Variants in KIAA1217 observed in about 807,000 individuals in gnomAD.
The protein encoded by KIAA1217 is sickle tail protein homolog.
In KIAA1217, 88 loss-of-function variants were observed where a neutral mutation model predicts 163.9. The observed-to-expected ratio is 0.54, with a 90% CI of 0.45 to 0.64. The LOEUF (loss-of-function observed/expected upper bound fraction) is 0.64. Ranked by LOEUF, KIAA1217 falls within the 30% of genes least tolerant of loss-of-function variation. The probability of loss-of-function intolerance (pLI) is 0.00; values close to 1 mark genes in which losing one functional copy is unlikely to be tolerated. For missense variants in KIAA1217, 2,372 were observed against 2,475.0 expected (o/e 0.96, Z 0.88); for synonymous variants, 903 against 923.1 (o/e 0.98, Z 0.39).
At chr10:23,864,743 T>G (rs965670977) in intron 1 of KIAA1217, among the ~76,000 whole-genome samples, 10 of 152,074 alleles carry the variant, frequency 6.6e-5, no homozygotes, top group Admixed American at 1.3e-4. Context: ...TAGTTATATA[T>G]AGAGAGAACA....
intron 2 of KIAA1217, among the ~76,000 whole-genome samples, chr10:24,142,366 T>C (rs2064123430): frequency 6.6e-6 from 1 of 152,196 alleles, no homozygotes; most frequent in Non-Finnish European, 1.5e-5. Flanking sequence ...CATGATTCAT[T>C]GTTCTTAAGC....
In KIAA1217 at chr10:24,053,957, AC is replaced by A. The variant is rs575104764; in HGVS notation, c.-171+46584del. ...TAGACCTGTGTGGCTGGTGAGGGAAACATGGAGAGAGGAAGAGACTGAAATA... is the reference window on the plus strand; with the variant it reads ...TAGACCTGTGTGGCTGGTGAGGGAAAATGGAGAGAGGAAGAGACTGAAATA... On this transcript the variant is annotated intron_variant, in intron 2 of 18. Transcript: ENST00000376462. Among the ~76,000 whole-genome samples, 400 of 152,282 alleles carry A rather than the reference AC, an allele frequency of 2.6e-3. 1 individual carries two copies. Among genetic ancestry groups the A allele is most frequent in the African/African-American group, 8.5e-3 (355 of 41,560 alleles).
At chr10:23,940,864 G>C (rs1195643475) in intron 1 of KIAA1217, among the ~76,000 whole-genome samples, 1 of 152,206 alleles carries the variant, frequency 6.6e-6, no homozygotes, top group Non-Finnish European at 1.5e-5. Flanking sequence ...GGAGAAATCA[G>C]TGTGTAAATA....
At chr10:24,017,864 A>G (rs948674510) in intron 2 of KIAA1217, among the ~76,000 whole-genome samples, 4 of 152,128 alleles carry the variant, frequency 2.6e-5, no homozygotes, top group Non-Finnish European at 4.4e-5. Context: ...ATACATTGAA[A>G]GCAAGAAAGA....
intron 8 of KIAA1217, among the ~76,000 whole-genome samples, chr10:24,500,273 T>C (rs1047220034): frequency 6.6e-6 from 1 of 151,704 alleles, no homozygotes; most frequent in Non-Finnish European, 1.5e-5. Context: ...TGTGCGTGTG[T>C]GTGTGTGTCT....
chr10:24,055,162 G>C lies in KIAA1217; in HGVS notation c.-171+47788G>C, dbSNP rs1247626362. 2.6e-5 allele frequency among the ~76,000 whole-genome samples: 4 copies of C among 152,272 alleles called. No individual in the cohort carries two copies. The East Asian group carries it at 7.7e-4, about 29-fold the overall frequency. Reference sequence around the variant, plus strand: ...TGCACCTGTACTTTCAGCTACTCGGGAAGCTGAGGTGGGAGGATTGCTTGA... The same window carrying C: ...TGCACCTGTACTTTCAGCTACTCGGCAAGCTGAGGTGGGAGGATTGCTTGA... On this transcript the variant is annotated intron_variant, in intron 2 of 18. Coordinates refer to the KIAA1217 transcript ENST00000376462.
At position 23,704,172 on chromosome 10, in the gene KIAA1217, GTATATATATATATATA is replaced by G. The variant is rs35533445; in HGVS notation, c.-321+8963_-321+8978del. Among the ~76,000 whole-genome samples the G allele has an allele frequency of 8.3e-4, 33 of 39,948 alleles. 1 individual carries two copies. The highest frequency in any genetic ancestry group is 0.019 in the Middle Eastern group (1 of 54). 26.2% of individuals were successfully genotyped at this position (39,948 alleles called of 152,430 possible). On this transcript the variant is annotated intron_variant, in intron 1 of 18. Transcript: ENST00000376462. ...TGTGTGTGTGTGTGTGTGTGTGTGT[GTATATATATATATATA>G]TATATATATATATATATATATATAG... is the stretch of plus-strand genomic sequence containing the variant.
At chr10:24,130,608 A>G (rs2063618773) in intron 2 of KIAA1217, among the ~76,000 whole-genome samples, 1 of 152,216 alleles carries the variant, frequency 6.6e-6, no homozygotes, top group Non-Finnish European at 1.5e-5. Context: ...AATTGAAAAA[A>G]TGTCAAGAAA....
intron 9 of KIAA1217, among the ~76,000 whole-genome samples, chr10:24,513,045 G>A (rs1192344277): frequency 1.3e-5 from 2 of 152,232 alleles, no homozygotes; most frequent in East Asian, 1.9e-4. Flanking sequence ...TTGTCTTGCA[G>A]GCAGTCTGGT....
At chr10:24,537,019 A>C in intron 17 of KIAA1217, 126 bp downstream of exon 17, 1 of 1,095,246 alleles carries the variant, frequency 9.1e-7, no homozygotes, top group Non-Finnish European at 1.3e-6. Context: ...TTTTTAACTA[A>C]TGGAGACACA....
intron 1 of KIAA1217, among the ~76,000 whole-genome samples, chr10:23,798,002 T>C (rs1179712152): frequency 6.6e-6 from 1 of 152,224 alleles, no homozygotes; most frequent in East Asian, 1.9e-4. Flanking sequence ...CAAGAGGTCA[T>C]TAATTCTTTT....
chr10:24,243,180 T>C (rs1020286715), intron 2 of KIAA1217, among the ~76,000 whole-genome samples: 4 of 152,202 alleles, frequency 2.6e-5, no homozygotes, highest in African/African-American at 9.7e-5. Context: ...AGCTGCAATT[T>C]TAGGGTAGAA....
In KIAA1217 at chr10:24,088,289, G is replaced by GTATA. The variant is rs141353834; in HGVS notation, c.-171+80929_-171+80932dup. On this transcript the variant is annotated intron_variant, in intron 2 of 18. Transcript: ENST00000376462. Reference sequence around the variant, plus strand: ...TATATATATATACACACATATATGTGTATATATATATATATATTTATTATA... The same window carrying GTATA: ...TATATATATATACACACATATATGTGTATATATATATATATATATATTTATTATA... Among the ~76,000 whole-genome samples, 5 of 99,598 alleles carry GTATA rather than the reference G, an allele frequency of 5.0e-5. 1 individual carries two copies. The highest frequency in any genetic ancestry group is 2.0e-4 in the East Asian group (1 of 4,892). 65.3% of individuals were successfully genotyped at this position (99,598 alleles called of 152,430 possible). A position where few individuals can be genotyped will look rare whatever the true frequency, so the allele number is the denominator to read the frequency against.
intron 1 of KIAA1217, among the ~76,000 whole-genome samples, chr10:23,800,020 T>C (rs1184945189): frequency 6.6e-6 from 1 of 152,158 alleles, no homozygotes; most frequent in Non-Finnish European, 1.5e-5. Flanking sequence ...TTTGTTTGCT[T>C]TGAAACTGTC....
chr10:23,860,974 G>A (rs12354611), intron 1 of KIAA1217, among the ~76,000 whole-genome samples: 47,610 of 150,922 alleles, frequency 0.32, 10,204 homozygotes, highest in African/African-American at 0.62. Context: ...AGTGCAGTGG[G>A]GGGTCATAAT....
chr10:24,198,628 C>A (rs7089962), intron 2 of KIAA1217, among the ~76,000 whole-genome samples: 97,927 of 150,640 alleles, frequency 0.65, 32,224 homozygotes, highest in Middle Eastern at 0.77. Context: ...GTGTGTGCCT[C>A]GGGCTGTGGT....
At chr10:23,987,238 G>A (rs1007262355) in intron 1 of KIAA1217, among the ~76,000 whole-genome samples, 3 of 151,808 alleles carry the variant, frequency 2.0e-5, no homozygotes, top group African/African-American at 7.3e-5. Flanking sequence ...TTAGCCGGGT[G>A]TGGTGGTGGA....
chr10:23,938,729 CTTGAG>C (rs200769327), intron 1 of KIAA1217, among the ~76,000 whole-genome samples: 2,346 of 151,926 alleles, frequency 0.015, 69 homozygotes, highest in African/African-American at 0.052. Flanking sequence ...ATATAAGGGG[CTTGAG>C]CATCCTCAGA....
At chr10:24,176,503 G>A (rs560017754) in intron 2 of KIAA1217, among the ~76,000 whole-genome samples, 40 of 151,958 alleles carry the variant, frequency 2.6e-4, no homozygotes, top group Admixed American at 6.5e-4. Flanking sequence ...ACAGAGCACT[G>A]GTTGGTGCAT....
Sources: allele counts gnomAD v4.1 joint callset (sites outside exome capture counted in the v4.1 genomes callset), GRCh38; gene constraint gnomAD v4.1.1; transcripts MANE v1.5; gene names NCBI Gene and HGNC (gene_info 2026-07-23, HGNC 2026-07-21).